EEFSEC: variants seen among roughly 807,000 people sequenced by gnomAD.
EEFSEC encodes the protein selenocysteine-specific elongation factor.
In EEFSEC, 43 loss-of-function variants were observed where a neutral mutation model predicts 42.1. That is an observed-to-expected ratio of 1.02 (90% CI 0.80 to 1.32). The LOEUF (loss-of-function observed/expected upper bound fraction) is 1.32. Ranked by LOEUF, EEFSEC falls within the 40% of genes most tolerant of loss-of-function variation. The pLI is 0.00. For missense variants in EEFSEC, 745 were observed against 803.6 expected (o/e 0.93, Z 0.88); for synonymous variants, 354 against 339.1 (o/e 1.04, Z -0.48).
chr3:128,202,316 A>G (rs1039845402), intron 1 of EEFSEC, among the ~76,000 whole-genome samples: 3 of 152,220 alleles, frequency 2.0e-5, no homozygotes, highest in Non-Finnish European at 4.4e-5. Flanking sequence ...GAGTTTTCCA[A>G]TCTATGAACT....
At chr3:128,273,669 G>A (rs1028149142) in intron 4 of EEFSEC, among the ~76,000 whole-genome samples, 15 of 152,218 alleles carry the variant, frequency 9.9e-5, no homozygotes, top group African/African-American at 2.7e-4. Flanking sequence ...TGCTGAGAGC[G>A]GCCTGGACCT....
At chr3:128,193,422 C>G (rs1288365822) in intron 1 of EEFSEC, among the ~76,000 whole-genome samples, 1 of 152,246 alleles carries the variant, frequency 6.6e-6, no homozygotes, top group Non-Finnish European at 1.5e-5. Context: ...CCTACTGGCA[C>G]TTCGGGGGAG....
At chr3:128,296,284 T>C (rs763068909) in intron 4 of EEFSEC, among the ~76,000 whole-genome samples, 1 of 152,158 alleles carries the variant, frequency 6.6e-6, no homozygotes, top group Non-Finnish European at 1.5e-5. Flanking sequence ...GTCCCTGGTA[T>C]GCAGAAAGGG....
At chr3:128,400,526 C>T (rs908449700) in intron 6 of EEFSEC, among the ~76,000 whole-genome samples, 1 of 152,242 alleles carries the variant, frequency 6.6e-6, no homozygotes, top group African/African-American at 2.4e-5. Flanking sequence ...GGCTCTGGCT[C>T]TCTTCCAACC....
rs376975727 is a variant in EEFSEC at position 128,193,874 on chromosome 3, G to T, written c.316+40051G>T. On this transcript the variant is annotated intron_variant, in intron 1 of 6. Coordinates refer to ENST00000254730, the MANE Select transcript of EEFSEC (RefSeq NM_021937.5). ...TATCAGCAGATGTGTTTTTCCTCTG[G>T]CATGGGAGGACAGAAGGGAAGAGAA... Among the ~76,000 whole-genome samples the T allele has an allele frequency of 2.6e-5, 4 of 152,300 alleles. No individual in the cohort carries two copies. In the East Asian group the frequency reaches 5.8e-4, roughly 22 times the overall value.
At chr3:128,358,142 G>C in intron 5 of EEFSEC, 75 bp from the exon 6 acceptor site, 1 of 1,558,248 alleles carries the variant, frequency 6.4e-7, no homozygotes, top group Non-Finnish European at 8.7e-7. Flanking sequence ...GAGAGCTGGG[G>C]CTAGGCACAC....
At chr3:128,240,468 C>T (rs533579966) in intron 1 of EEFSEC, among the ~76,000 whole-genome samples, 8 of 152,146 alleles carry the variant, frequency 5.3e-5, no homozygotes, top group Non-Finnish European at 8.8e-5. Context: ...ATTTGTGGTC[C>T]TTGTTTCCTT....
chr3:128,409,433 C>T (rs950405775), downstream of EEFSEC, among the ~76,000 whole-genome samples: 2 of 151,880 alleles, frequency 1.3e-5, no homozygotes, highest in Non-Finnish European at 2.9e-5. Context: ...TTAAATACAC[C>T]AACAGCAGAG....
rs150152583 is a variant in EEFSEC at position 128,253,551 on chromosome 3, G to A, written c.524+6508G>A. Reference sequence around the variant, plus strand: ...CAGAGCAGGTCGCAGAGAAGTCTGAGTTCTTTTCCTGCCTTTCCCATTTTC... The same window carrying A: ...CAGAGCAGGTCGCAGAGAAGTCTGAATTCTTTTCCTGCCTTTCCCATTTTC... On this transcript the variant is annotated intron_variant, in intron 2 of 6. Transcript: ENST00000254730. Among the ~76,000 whole-genome samples the A allele has an allele frequency of 3.0e-3, 453 of 152,318 alleles. 7 individuals are homozygous for A. The highest frequency in any genetic ancestry group is 0.011 in the African/African-American group (440 of 41,572).
downstream of EEFSEC, among the ~76,000 whole-genome samples, chr3:128,409,077 TC>T (rs2068155786): frequency 6.6e-6 from 1 of 152,080 alleles, no homozygotes; most frequent in South Asian, 2.1e-4. Context: ...CCATCTGCCA[TC>T]CCCTGCACCC....
At chr3:128,197,412 AG>A (rs1292134851) in intron 1 of EEFSEC, among the ~76,000 whole-genome samples, 1 of 152,190 alleles carries the variant, frequency 6.6e-6, no homozygotes, top group Non-Finnish European at 1.5e-5. Context: ...CTGGGATTAC[AG>A]GCACATGCCA....
rs148649501 is a variant in EEFSEC at position 128,252,009 on chromosome 3, C to T, written c.524+4966C>T. On this transcript the variant is annotated intron_variant, in intron 2 of 6. Coordinates refer to ENST00000254730, the MANE Select transcript of EEFSEC (RefSeq NM_021937.5). The stretch of plus-strand genomic sequence containing the variant: ...ACATAATTTGAGGTAGTTGTTATCA[C>T]AGCATTGACACTGTTCTGTGTTCTA... Among the ~76,000 whole-genome samples the T allele has an allele frequency of 3.4e-3, 511 of 152,332 alleles. 1 individual carries two copies. The highest frequency in any genetic ancestry group is 0.011 in the African/African-American group (474 of 41,572).
chr3:128,165,322 A>T lies in EEFSEC; in HGVS notation c.316+11499A>T, dbSNP rs72985509. On this transcript the variant is annotated intron_variant, in intron 1 of 6. Coordinates refer to ENST00000254730, the MANE Select transcript of EEFSEC (RefSeq NM_021937.5). ...TTAGCACATGCCTGCTTCCATAGAA[A>T]ATTGTGGCTCCTGAGGAACACTTTA... 8.7e-4 allele frequency among the ~76,000 whole-genome samples: 132 copies of T among 152,338 alleles called. 1 individual carries two copies. Among genetic ancestry groups the T allele is most frequent in the African/African-American group, 3.1e-3 (128 of 41,572 alleles).
At chr3:128,300,837 G>A (rs1174095414) in intron 4 of EEFSEC, among the ~76,000 whole-genome samples, 1 of 152,006 alleles carries the variant, frequency 6.6e-6, no homozygotes, top group East Asian at 1.9e-4. Flanking sequence ...GATAATTCCT[G>A]TGCATGTATA....
At chr3:128,182,010 C>T (rs1279123289) in intron 1 of EEFSEC, among the ~76,000 whole-genome samples, 5 of 152,164 alleles carry the variant, frequency 3.3e-5, no homozygotes, top group Admixed American at 3.3e-4. Flanking sequence ...GACGGGGTTT[C>T]ACCATGTTGG....
At chr3:128,169,364 G>A (rs2065272561) in intron 1 of EEFSEC, among the ~76,000 whole-genome samples, 1 of 152,158 alleles carries the variant, frequency 6.6e-6, no homozygotes, top group African/African-American at 2.4e-5. Context: ...CAGCAGACCT[G>A]GTGTTGCAGG....
chr3:128,245,404 C>T (rs1194926235), intron 1 of EEFSEC, among the ~76,000 whole-genome samples: 1 of 152,228 alleles, frequency 6.6e-6, no homozygotes, highest in African/African-American at 2.4e-5. Context: ...GACCTGGGCC[C>T]TCCTGCCCCT....
At chr3:128,335,807 G>A (rs1156728144) in intron 4 of EEFSEC, among the ~76,000 whole-genome samples, 1 of 152,172 alleles carries the variant, frequency 6.6e-6, no homozygotes, top group Non-Finnish European at 1.5e-5. Context: ...ACAGGAAGGG[G>A]TCAGGCACTG....
chr3:128,249,670 A>C (rs1377872444), intron 2 of EEFSEC, among the ~76,000 whole-genome samples: 2 of 152,168 alleles, frequency 1.3e-5, no homozygotes, highest in Non-Finnish European at 2.9e-5. Flanking sequence ...ACCTTTTATC[A>C]GTGGAATAAT....
Sources: allele counts gnomAD v4.1 joint callset (sites outside exome capture counted in the v4.1 genomes callset), GRCh38; gene constraint gnomAD v4.1.1; transcripts MANE v1.5; gene names NCBI Gene and HGNC (gene_info 2026-07-23, HGNC 2026-07-21).